The following DSCAML1 variants were observed in gnomAD, a reference collection of about 807,000 sequenced individuals.
DSCAML1 encodes the protein cell adhesion molecule DSCAML1.
DSCAML1 carries 38 observed loss-of-function variants against 200.5 expected under a neutral mutation model. That is an observed-to-expected ratio of 0.19 (90% CI 0.15 to 0.25). The LOEUF (loss-of-function observed/expected upper bound fraction) is 0.25. Ranked by LOEUF, DSCAML1 falls within the 10% of genes least tolerant of loss-of-function variation. The pLI, the probability that DSCAML1 is intolerant of heterozygous loss-of-function variation, is 1.00. For missense variants in DSCAML1, 2,223 were observed against 2,858.8 expected (o/e 0.78, Z 5.07); for synonymous variants, 1,215 against 1,165.0 (o/e 1.04, Z -0.87).
chr11:117,566,542 T>C (rs1402892110), intron 3 of DSCAML1, among the ~76,000 whole-genome samples: 1 of 98,754 alleles, frequency 1.0e-5, no homozygotes, highest in Non-Finnish European at 2.4e-5. Context: ...AGTGATGTGA[T>C]TTTTGCCTTG....
At chr11:117,439,128 G>A (rs777328834) in intron 23 of DSCAML1, 138 bp downstream of exon 23, 8 of 1,366,918 alleles carry the variant, frequency 5.9e-6, no homozygotes, top group Non-Finnish European at 8.0e-6. Context: ...CCCCTTCCAT[G>A]TGCACCTCTG....
chr11:117,691,269 G>A (rs1168477473), intron 3 of DSCAML1, among the ~76,000 whole-genome samples: 1 of 152,156 alleles, frequency 6.6e-6, no homozygotes, highest in African/African-American at 2.4e-5. Context: ...AAGGGGCAGG[G>A]AGGGGTGAGT....
chr11:117,473,136 A>G (rs913118265), intron 14 of DSCAML1, among the ~76,000 whole-genome samples: 4 of 152,238 alleles, frequency 2.6e-5, no homozygotes, highest in Non-Finnish European at 4.4e-5. Flanking sequence ...CACAGTTTAA[A>G]TCCTAAATCA....
chr11:117,517,554 G>A (rs915647855), intron 7 of DSCAML1, among the ~76,000 whole-genome samples: 1 of 152,218 alleles, frequency 6.6e-6, no homozygotes, highest in African/African-American at 2.4e-5. Context: ...GGAGAGGGCA[G>A]GAGGGTGGCC....
intron 4 of DSCAML1, among the ~76,000 whole-genome samples, chr11:117,526,676 C>G (rs1046567358): frequency 6.6e-6 from 1 of 152,034 alleles, no homozygotes; most frequent in South Asian, 2.1e-4. Context: ...CGCCACCATG[C>G]CCAGCTAATT....
chr11:117,452,469 A>T (rs1036291684), intron 19 of DSCAML1, among the ~76,000 whole-genome samples: 9 of 152,244 alleles, frequency 5.9e-5, no homozygotes, highest in African/African-American at 1.9e-4. Context: ...TTTTCCATTC[A>T]TGTTGAACCT....
At chr11:117,627,481 G>A (rs1263935061) in intron 3 of DSCAML1, among the ~76,000 whole-genome samples, 1 of 151,996 alleles carries the variant, frequency 6.6e-6, no homozygotes, top group Admixed American at 6.6e-5. Context: ...GTGCCCAGTC[G>A]CACTGCTCGC....
At chr11:117,673,793 T>C (rs1232843050) in intron 3 of DSCAML1, among the ~76,000 whole-genome samples, 1 of 152,168 alleles carries the variant, frequency 6.6e-6, no homozygotes, top group African/African-American at 2.4e-5. Context: ...CAATCAGCCT[T>C]TATTAACTAT....
chr11:117,484,288 G>A (rs1266886141), intron 11 of DSCAML1, among the ~76,000 whole-genome samples: 4 of 152,160 alleles, frequency 2.6e-5, no homozygotes, highest in Non-Finnish European at 5.9e-5. Context: ...GGAGGCGTCT[G>A]GGACAGGAGT....
rs1298904018 is a variant in DSCAML1 at position 117,579,239 on chromosome 11, T to C, written c.512-46717A>G. ...AGCTCAAGTCCTCCTTTGAAAAGCATGTCATCCCCTCCAGAGCTTGCCATA... is the reference window on the plus strand; with the variant it reads ...AGCTCAAGTCCTCCTTTGAAAAGCACGTCATCCCCTCCAGAGCTTGCCATA... On this transcript the variant is annotated intron_variant, in intron 3 of 32. Transcript: ENST00000651296. 3.3e-5 allele frequency among the ~76,000 whole-genome samples: 5 copies of C among 152,312 alleles called. No individual in the cohort carries two copies. The East Asian group carries it at 9.6e-4, about 29-fold the overall frequency.
intron 2 of DSCAML1, among the ~76,000 whole-genome samples, chr11:117,777,685 C>T (rs947422739): frequency 6.6e-6 from 1 of 152,066 alleles, no homozygotes; most frequent in Non-Finnish European, 1.5e-5. Flanking sequence ...CCCTCCCTGA[C>T]CCCCAGACTT....
intron 3 of DSCAML1, among the ~76,000 whole-genome samples, chr11:117,613,460 A>T (rs1442959920): frequency 6.6e-6 from 1 of 152,192 alleles, no homozygotes; most frequent in Non-Finnish European, 1.5e-5. Context: ...CTCCATGCTC[A>T]AAAAACAATA....
intron 3 of DSCAML1, among the ~76,000 whole-genome samples, chr11:117,543,197 GA>G (rs1824486389): frequency 6.6e-6 from 1 of 152,090 alleles, no homozygotes; most frequent in Non-Finnish European, 1.5e-5. Context: ...GGCTTAGGGA[GA>G]AAAAAAATCC....
intron 3 of DSCAML1, among the ~76,000 whole-genome samples, chr11:117,567,592 C>T (rs1565794346): frequency 6.6e-6 from 1 of 152,282 alleles, no homozygotes; most frequent in East Asian, 1.9e-4. Flanking sequence ...ATACTATAAA[C>T]ACCTCTATGC....
At chr11:117,733,497 G>A (rs2054261485) in intron 3 of DSCAML1, among the ~76,000 whole-genome samples, 1 of 152,196 alleles carries the variant, frequency 6.6e-6, no homozygotes, top group Non-Finnish European at 1.5e-5. Flanking sequence ...ACTACGAAAG[G>A]ATTACAGATG....
intron 20 of DSCAML1, among the ~76,000 whole-genome samples, chr11:117,449,890 TC>T (rs2048252267): frequency 6.6e-6 from 1 of 152,084 alleles, no homozygotes; most frequent in African/African-American, 2.4e-5. Flanking sequence ...ACTGCACCCA[TC>T]CCCATCCTCC....
At chr11:117,525,412 G>A (rs538416409) in intron 4 of DSCAML1, among the ~76,000 whole-genome samples, 1 of 152,228 alleles carries the variant, frequency 6.6e-6, no homozygotes, top group East Asian at 1.9e-4. Context: ...CGTGCAGGGA[G>A]GGAGAGGGTG....
rs567814047 is a variant in DSCAML1 at position 117,750,573 on chromosome 11, T to C, written c.511+26218A>G. ...TCTACTCCCTGACAAGCACACGGGC[T>C]GCTGCACTCATGCCAGCCTTCCCTG... On this transcript the variant is annotated intron_variant, in intron 3 of 32. Coordinates refer to ENST00000651296, the MANE Select transcript of DSCAML1 (RefSeq NM_020693.4). 5.9e-5 allele frequency among the ~76,000 whole-genome samples: 9 copies of C among 152,314 alleles called. No homozygotes were observed. The South Asian group carries it at 1.9e-3, about 32-fold the overall frequency.
At chr11:117,497,549 A>G (rs980741420) in intron 11 of DSCAML1, among the ~76,000 whole-genome samples, 3 of 152,202 alleles carry the variant, frequency 2.0e-5, no homozygotes, top group Non-Finnish European at 4.4e-5. Context: ...CTCAAAATCA[A>G]TGAGGCCAAA....
Sources: allele counts gnomAD v4.1 joint callset (sites outside exome capture counted in the v4.1 genomes callset), GRCh38; gene constraint gnomAD v4.1.1; transcripts MANE v1.5; gene names NCBI Gene and HGNC (gene_info 2026-07-23, HGNC 2026-07-21).